SH3RF1: variants seen among roughly 807,000 people sequenced by gnomAD.
SH3RF1 encodes the protein E3 ubiquitin-protein ligase SH3RF1.
A neutral mutation model predicts 74.0 loss-of-function variants in SH3RF1; 32 were observed. The ratio of observed to expected loss-of-function variants is 0.43; its 90% confidence interval spans 0.33 to 0.58. SH3RF1 has a LOEUF of 0.58. Ranked by LOEUF, SH3RF1 falls within the 20% of genes least tolerant of loss-of-function variation. The probability of loss-of-function intolerance (pLI) is 0.05; values close to 1 mark genes in which losing one functional copy is unlikely to be tolerated. For synonymous variants in SH3RF1, 396 were observed against 439.6 expected (o/e 0.90, Z 1.24); for missense variants, 954 against 1,130.9 (o/e 0.84, Z 2.24).
chr4:169,165,637 C>G (rs1380495379), intron 2 of SH3RF1, among the ~76,000 whole-genome samples: 19 of 147,066 alleles, frequency 1.3e-4, no homozygotes, highest in Middle Eastern at 6.9e-3. Context: ...GAAAAAAAGG[C>G]GGGGGGGGGA....
chr4:169,237,098 A>AC (rs1730833927), intron 2 of SH3RF1, among the ~76,000 whole-genome samples: 1 of 152,176 alleles, frequency 6.6e-6, no homozygotes, highest in Non-Finnish European at 1.5e-5. Flanking sequence ...AGGAGCCAAA[A>AC]ATGTGGTGCC....
In SH3RF1 at chr4:169,269,259, G is replaced by A; in HGVS notation, c.-47C>T. 1 of 1,508,902 alleles carries A rather than the reference G, an allele frequency of 6.6e-7. No homozygotes were observed. Among genetic ancestry groups the A allele is most frequent in the Non-Finnish European group, 8.8e-7 (1 of 1,134,756 alleles). 93.5% of individuals were successfully genotyped at this position (1,508,902 alleles called of 1,614,324 possible). A position where few individuals can be genotyped will look rare whatever the true frequency, so the allele number is the denominator to read the frequency against. On this transcript the variant is annotated 5_prime_UTR_variant, in exon 2 of 12. It introduces an in-frame stop codon into an upstream open reading frame of the 5' UTR. Transcript: ENST00000284637. ...AAAATCTTCAGAAATGTTCATAGTT[G>A]TGTGCATCCCTTAAAATGACTCATG... is the stretch of plus-strand genomic sequence containing the variant.
chr4:169,258,773 G>A (rs1453135430), intron 2 of SH3RF1, among the ~76,000 whole-genome samples: 1 of 152,126 alleles, frequency 6.6e-6, no homozygotes, highest in Admixed American at 6.5e-5. Flanking sequence ...TTTATTCTAT[G>A]TGTTTGTTTT....
At chr4:169,125,040 C>T (rs1024687886) in intron 6 of SH3RF1, among the ~76,000 whole-genome samples, 1 of 152,170 alleles carries the variant, frequency 6.6e-6, no homozygotes, top group Admixed American at 6.5e-5. Flanking sequence ...ACAAAATTCA[C>T]ATTTTGTTAA....
chr4:169,237,532 AC>A (rs1428255211), intron 2 of SH3RF1, among the ~76,000 whole-genome samples: 1 of 152,170 alleles, frequency 6.6e-6, no homozygotes, highest in Admixed American at 6.5e-5. Flanking sequence ...GGTTATACAT[AC>A]CCATAAGGTA....
At chr4:169,167,709 G>C (rs1247275904) in intron 2 of SH3RF1, among the ~76,000 whole-genome samples, 1 of 152,142 alleles carries the variant, frequency 6.6e-6, no homozygotes, top group African/African-American at 2.4e-5. Context: ...CCCATAGGAG[G>C]TGGGCAAATG....
At chr4:169,235,294 T>C (rs1471263592) in intron 2 of SH3RF1, among the ~76,000 whole-genome samples, 4 of 152,214 alleles carry the variant, frequency 2.6e-5, no homozygotes, top group African/African-American at 7.2e-5. Context: ...ATTTTGTTTA[T>C]GGTTAAGTTT....
chr4:169,258,417 T>G (rs1731224521), intron 2 of SH3RF1, among the ~76,000 whole-genome samples: 1 of 152,226 alleles, frequency 6.6e-6, no homozygotes, highest in African/African-American at 2.4e-5. Context: ...GTGTTAACAC[T>G]TCCAGTGTCT....
rs1160239241 is a variant in SH3RF1 at position 169,094,377 on chromosome 4, T to C, written c.*2142A>G. On this transcript the variant is annotated 3_prime_UTR_variant, in exon 12 of 12. Transcript: ENST00000284637. ...ACCATATCACTGTGTAACAAGCCCT[T>C]GTTACAAAATCTCCCTCTACTGTCT... is the stretch of plus-strand genomic sequence containing the variant. The C allele has an allele frequency of 6.6e-6, 1 of 152,072 alleles. No individual in the cohort carries two copies. Among genetic ancestry groups the C allele is most frequent in the Non-Finnish European group, 1.5e-5 (1 of 67,998 alleles). 9.4% of individuals were successfully genotyped at this position (152,072 alleles called of 1,614,324 possible). A position where few individuals can be genotyped will look rare whatever the true frequency, so the allele number is the denominator to read the frequency against.
At chr4:169,234,751 C>T (rs1730799491) in intron 2 of SH3RF1, among the ~76,000 whole-genome samples, 1 of 152,164 alleles carries the variant, frequency 6.6e-6, no homozygotes, top group Admixed American at 6.5e-5. Context: ...ATCTTTTCTA[C>T]TAAAAACAAT....
chr4:169,266,249 C>T (rs749630409), intron 2 of SH3RF1, among the ~76,000 whole-genome samples: 4 of 152,182 alleles, frequency 2.6e-5, no homozygotes, highest in African/African-American at 9.7e-5. Flanking sequence ...GCCACATGGT[C>T]ACAGCCTAAC....
chr4:169,255,622 TACACACACACACACACAC>T (rs56229906), intron 2 of SH3RF1, among the ~76,000 whole-genome samples: 17 of 124,740 alleles, frequency 1.4e-4, no homozygotes, highest in East Asian at 4.7e-4. Context: ...CATACACACA[TACACACACACACACACAC>T]ACACACACAC....
At chr4:169,114,388 G>A (rs1733295643) in intron 10 of SH3RF1, among the ~76,000 whole-genome samples, 1 of 152,080 alleles carries the variant, frequency 6.6e-6, no homozygotes, top group African/African-American at 2.4e-5. Context: ...GGGCCCACCT[G>A]GATAATTCAG....
chr4:169,228,372 G>A (rs957046167), intron 2 of SH3RF1, among the ~76,000 whole-genome samples: 17 of 147,864 alleles, frequency 1.1e-4, no homozygotes, highest in East Asian at 2.1e-4. Context: ...TAAAATCAAG[G>A]TGTTGGCAGC....
intron 5 of SH3RF1, 66 bp downstream of exon 5, chr4:169,136,252 A>G (rs554140771): frequency 7.4e-7 from 1 of 1,349,164 alleles, no homozygotes; most frequent in South Asian, 2.3e-5. Flanking sequence ...CAGTGAGCAA[A>G]CATGTTTGTA....
In SH3RF1 at chr4:169,156,697, G is replaced by A; in HGVS notation, c.394-18C>T. On this transcript the variant is annotated intron_variant, in intron 2 of 11. Transcript: ENST00000284637. ...GGTATACCCTTTAAAAAAAAAAGAG[G>A]GATGAATTTTAATAAAATAATGGTC... The A allele has an allele frequency of 3.3e-6, 5 of 1,535,886 alleles. No individual in the cohort carries two copies. Among genetic ancestry groups the A allele is most frequent in the East Asian group, 2.3e-5 (1 of 43,914 alleles).
chr4:169,226,431 G>A (rs1197925584), intron 2 of SH3RF1, among the ~76,000 whole-genome samples: 1 of 150,412 alleles, frequency 6.6e-6, no homozygotes, highest in Admixed American at 6.6e-5. Flanking sequence ...CCACAGCAGT[G>A]AAAAGCAAAA....
At chr4:169,137,693 T>A (rs1733721140) in intron 4 of SH3RF1, among the ~76,000 whole-genome samples, 1 of 152,346 alleles carries the variant, frequency 6.6e-6, no homozygotes, top group East Asian at 1.9e-4. Flanking sequence ...CTTCTCATCC[T>A]GTTGATAAGA....
intron 2 of SH3RF1, among the ~76,000 whole-genome samples, chr4:169,180,064 G>A (rs1047387017): frequency 2.1e-5 from 3 of 144,874 alleles, no homozygotes; most frequent in Admixed American, 6.8e-5. Context: ...GACGTAAGCA[G>A]AAACAAAAGA....
Sources: allele counts gnomAD v4.1 joint callset (sites outside exome capture counted in the v4.1 genomes callset), GRCh38; gene constraint gnomAD v4.1.1; transcripts MANE v1.5; gene names NCBI Gene and HGNC (gene_info 2026-07-23, HGNC 2026-07-21).